Variants in PDGFRA observed in about 807,000 individuals in gnomAD.
PDGFRA encodes platelet-derived growth factor receptor alpha.
In PDGFRA, 25 loss-of-function variants were observed where a neutral mutation model predicts 121.5. The observed-to-expected ratio is 0.21, with a 90% CI of 0.15 to 0.29. PDGFRA has a LOEUF of 0.29. Among genes scored for constraint, PDGFRA ranks in the 10% least tolerant of loss-of-function variants. The pLI is 1.00. For missense variants in PDGFRA, 1,008 were observed against 1,345.1 expected (o/e 0.75, Z 3.92); for synonymous variants, 463 against 494.8 (o/e 0.94, Z 0.85).
At chr4:54,287,781 T>C (rs1169423595) in intron 19 of PDGFRA, among the ~76,000 whole-genome samples, 2 of 152,158 alleles carry the variant, frequency 1.3e-5, no homozygotes, top group African/African-American at 4.8e-5. Context: ...CCTCCTCTCC[T>C]TTGGGCTATG....
chr4:54,244,731 G>A (rs1173211911), intron 1 of PDGFRA, among the ~76,000 whole-genome samples: 7 of 152,332 alleles, frequency 4.6e-5, no homozygotes, highest in Middle Eastern at 3.4e-3. Flanking sequence ...TGACTTTGAC[G>A]AGTTGAGAGA....
Position 54,290,529 on chromosome 4 carries a change from G to T in PDGFRA, c.3097G>T (p.Asp1033Tyr), listed in dbSNP as rs1335871475. 6.2e-7 allele frequency: 1 copy of T among 1,614,208 alleles called. No homozygotes were observed. Among genetic ancestry groups the T allele is most frequent in the South Asian group, 1.1e-5 (1 of 91,084 alleles). Residue 1033 changes from aspartate (D) to tyrosine (Y), a missense_variant, in exon 22 of 23, where the codon GAC becomes TAC. Asp to Tyr is a radical substitution (Grantham distance 160). Coordinates refer to ENST00000257290, the MANE Select transcript of PDGFRA (RefSeq NM_006206.6). The stretch of plus-strand genomic sequence containing the variant: ...CATTGACCCTGTCCCTGAGGAGGAG[G>T]ACCTGGGCAAGAGGAACAGACACAG... The part of the protein sequence containing the change: ...PDIDPVPEEE[D>Y]LGKRNRHSSQ...
chr4:54,253,885 A>C (rs1722205099), intron 1 of PDGFRA, among the ~76,000 whole-genome samples: 1 of 152,004 alleles, frequency 6.6e-6, no homozygotes, highest in Non-Finnish European at 1.5e-5. Flanking sequence ...GAGTTTCACC[A>C]TGTTGGCCAG....
chr4:54,281,913 A>G, intron 16 of PDGFRA: 1 of 1,156,410 alleles, frequency 8.6e-7, no homozygotes, highest in Non-Finnish European at 1.1e-6. Flanking sequence ...GATTTTATTA[A>G]CAAATTATAA....
rs750914477 is a variant in PDGFRA at position 54,290,310 on chromosome 4, T to C, written c.2881-3T>C. The C allele has an allele frequency of 5.6e-6, 9 of 1,607,712 alleles. No individual in the cohort carries two copies. The highest frequency in any genetic ancestry group is 2.7e-5 in the African/African-American group (2 of 74,822). ...ATTAAATATGTTCAATGAATGTTTATAGAGTTATGAAAAAATTCACCTGGA... is the reference window on the plus strand; with the variant it reads ...ATTAAATATGTTCAATGAATGTTTACAGAGTTATGAAAAAATTCACCTGGA... On this transcript the variant is annotated splice_region_variant and splice_polypyrimidine_tract_variant and intron_variant, in intron 21 of 22. Transcript: ENST00000257290.
At chr4:54,292,697 T>TA (rs1278523413) in intron 22 of PDGFRA, among the ~76,000 whole-genome samples, 1 of 150,942 alleles carries the variant, frequency 6.6e-6, no homozygotes, top group Non-Finnish European at 1.5e-5. Context: ...AAAATGAAAT[T>TA]AAAAAAAGAA....
chr4:54,235,784 A>G (rs932480063), intron 1 of PDGFRA, among the ~76,000 whole-genome samples: 1 of 152,250 alleles, frequency 6.6e-6, no homozygotes, highest in African/African-American at 2.4e-5. Context: ...GTCTGCAGAA[A>G]AAGTCGTGAA....
rs182602738 is a variant in PDGFRA at position 54,297,050 on chromosome 4, C to A, written c.*1778C>A. 75 of 233,170 alleles carry A rather than the reference C, an allele frequency of 3.2e-4. No individual in the cohort carries two copies. The East Asian group carries it at 4.0e-3, about 12-fold the overall frequency. The allele number at this position is 233,170 out of a possible 1,614,324, so 14.4% of individuals were successfully genotyped here. ...AGGCATGTACAAAAATTATGCAATT[C>A]AGTGTTCCAAGTCTCTGTGTAACCA... On this transcript the variant is annotated 3_prime_UTR_variant, in exon 23 of 23. Transcript: ENST00000257290.
At chr4:54,294,640 T>TG (rs894310077) in intron 22 of PDGFRA, among the ~76,000 whole-genome samples, 1 of 151,052 alleles carries the variant, frequency 6.6e-6, no homozygotes, top group African/African-American at 2.4e-5. Flanking sequence ...TGGGGGTTGG[T>TG]GGGGGGGCAT....
At chr4:54,260,642 A>G (rs182582453) in intron 2 of PDGFRA, among the ~76,000 whole-genome samples, 1 of 151,926 alleles carries the variant, frequency 6.6e-6, no homozygotes, top group Admixed American at 6.6e-5. Flanking sequence ...TCCTGAGCTC[A>G]AGCGATCCTC....
intron 16 of PDGFRA, among the ~76,000 whole-genome samples, chr4:54,281,246 C>G (rs1458513258): frequency 6.6e-6 from 1 of 152,266 alleles, no homozygotes; most frequent in Non-Finnish European, 1.5e-5. Flanking sequence ...ATTGGCTTGT[C>G]CTGTGAGCTT....
In PDGFRA at chr4:54,232,883, G is replaced by C. The variant is rs1720763462; in HGVS notation, c.-13+3468G>C. Among the ~76,000 whole-genome samples the C allele has an allele frequency of 2.0e-5, 3 of 152,206 alleles. No homozygotes were observed. The South Asian group carries it at 6.2e-4, about 32-fold the overall frequency. On this transcript the variant is annotated intron_variant, in intron 1 of 22. Coordinates refer to ENST00000257290, the MANE Select transcript of PDGFRA (RefSeq NM_006206.6). ...TTACAGGCGTAAGCCACCGCGCCCG[G>C]CCAGGAACGGTTCTTAAATGCCGAG... is the stretch of plus-strand genomic sequence containing the variant.
At chr4:54,281,508 C>A in intron 16 of PDGFRA, 1 of 1,042,454 alleles carries the variant, frequency 9.6e-7, no homozygotes, top group Non-Finnish European at 1.3e-6. Context: ...AAAGATTAGC[C>A]AGTGAGAGTT....
At chr4:54,236,764 C>G (rs1178252534) in intron 1 of PDGFRA, among the ~76,000 whole-genome samples, 2 of 151,876 alleles carry the variant, frequency 1.3e-5, no homozygotes, top group Non-Finnish European at 2.9e-5. Flanking sequence ...GATCATGCCA[C>G]TGCACTCCAG....
chr4:54,293,196 C>A (rs1025434800), intron 22 of PDGFRA, among the ~76,000 whole-genome samples: 1 of 152,036 alleles, frequency 6.6e-6, no homozygotes, highest in African/African-American at 2.4e-5. Context: ...TGTGGAGTTC[C>A]CACAATCGGC....
chr4:54,275,457 A>G (rs1723669620), intron 12 of PDGFRA, among the ~76,000 whole-genome samples: 1 of 152,244 alleles, frequency 6.6e-6, no homozygotes, highest in African/African-American at 2.4e-5. Flanking sequence ...AAGCAAGCCA[A>G]CTTATCACAA....
intron 1 of PDGFRA, among the ~76,000 whole-genome samples, chr4:54,256,708 G>A (rs1190730111): frequency 6.6e-6 from 1 of 151,746 alleles, no homozygotes; most frequent in African/African-American, 2.4e-5. Flanking sequence ...ACAAGATACG[G>A]GTGATAAAGA....
intron 21 of PDGFRA, among the ~76,000 whole-genome samples, chr4:54,289,381 G>T (rs1724518117): frequency 6.6e-6 from 1 of 152,150 alleles, no homozygotes; most frequent in South Asian, 2.1e-4. Context: ...AGAAGTTAGT[G>T]TGCAGTTAGA....
chr4:54,245,411 A>G (rs1164876643), intron 1 of PDGFRA, among the ~76,000 whole-genome samples: 1 of 151,928 alleles, frequency 6.6e-6, no homozygotes, highest in Non-Finnish European at 1.5e-5. Flanking sequence ...CCAATATTCA[A>G]CATTCTTAAA....
Sources: allele counts gnomAD v4.1 joint callset (sites outside exome capture counted in the v4.1 genomes callset), GRCh38; gene constraint gnomAD v4.1.1; transcripts MANE v1.5; gene names NCBI Gene and HGNC (gene_info 2026-07-23, HGNC 2026-07-21).